Variants in PLXNB3 observed in about 807,000 individuals in gnomAD.
PLXNB3 encodes the protein plexin B3.
In PLXNB3, 80 loss-of-function variants were observed where a neutral mutation model predicts 125.7. The observed-to-expected ratio is 0.64, with a 90% confidence interval of 0.53 to 0.77. The LOEUF (loss-of-function observed/expected upper bound fraction) is 0.77, where lower values mean the gene tolerates loss of function less well. PLXNB3 is among the 30% of genes least tolerant of loss of function. The pLI is 0.00. For missense variants in PLXNB3, 1,836 were observed against 1,729.3 expected, an observed-to-expected ratio of 1.06 and a Z score of -1.09; for synonymous variants, 954 against 783.3, an observed-to-expected ratio of 1.22 and a Z score of -3.64.
chrX:153,770,715 G>C, intron 10 of PLXNB3, 43 bp from the exon 11 acceptor site: 2 of 1,205,405 alleles, frequency 1.7e-6, no homozygotes, highest in Non-Finnish European at 2.2e-6. Flanking sequence ...CCCAGCAGTA[G>C]GCCCTTTGAG....
At position 153,777,945 on chromosome X, in the gene PLXNB3, C is replaced by T. The variant is rs782097461; in HGVS notation, c.5262-3C>T. The T allele has an allele frequency of 1.7e-6, 2 of 1,205,313 alleles. No individual in the cohort carries two copies. Among genetic ancestry groups the T allele is most frequent in the South Asian group, 1.8e-5 (1 of 55,950 alleles). On this transcript the variant is annotated splice_region_variant and splice_polypyrimidine_tract_variant and intron_variant, in intron 31 of 35. Coordinates refer to ENST00000361971, the MANE Select transcript of PLXNB3 (RefSeq NM_005393.3). Reference sequence around the variant, plus strand: ...CACGCCCACGCCTGCCCTGCGCCCCCAGTCTGCTGCTGCGGTTCTGGGTGA... The same window carrying T: ...CACGCCCACGCCTGCCCTGCGCCCCTAGTCTGCTGCTGCGGTTCTGGGTGA...
intron 27 of PLXNB3, 48 bp from the exon 28 acceptor site, chrX:153,776,308 G>C (rs1557064180): frequency 6.4e-6 from 7 of 1,090,198 alleles, no homozygotes; most frequent in South Asian, 3.8e-5. Flanking sequence ...ATGAGTGTGG[G>C]GCGTGGAGAG....
chrX:153,778,224 G>T (rs1288307624), intron 32 of PLXNB3, 37 bp from the exon 33 acceptor site: 1 of 1,199,030 alleles, frequency 8.3e-7, no homozygotes, highest in Non-Finnish European at 1.1e-6. Context: ...CTTCACCTCC[G>T]AGCTCATGCC....
Position 153,765,676 on chromosome X carries a change from C to T in PLXNB3, c.45+96C>T, listed in dbSNP as rs782489481. The T allele has an allele frequency of 4.1e-5, 48 of 1,158,780 alleles. No homozygotes were observed. In the South Asian group the frequency reaches 8.3e-4, roughly 20 times the overall value. Reference sequence around the variant, plus strand: ...CAGGCCCAGGACATACAGGCTGCAGCCTCCCTCATGGCAGACACTGCCCCA... The same window carrying T: ...CAGGCCCAGGACATACAGGCTGCAGTCTCCCTCATGGCAGACACTGCCCCA... On this transcript the variant is annotated intron_variant, in intron 2 of 35. Transcript: ENST00000361971.
intron 1 of PLXNB3, 39 bp from the exon 2 acceptor site, chrX:153,765,432 C>T: frequency 6.6e-6 from 7 of 1,053,887 alleles, no homozygotes; most frequent in Admixed American, 2.7e-5. Context: ...CAGGCCAGCT[C>T]GAATGGGGCT....
In PLXNB3 at chrX:153,769,779, G is replaced by A. The variant is rs374146668; in HGVS notation, c.1497-28G>A. The A allele has an allele frequency of 1.4e-4, 165 of 1,196,021 alleles. No individual in the cohort carries two copies. The African/African-American group carries it at 1.9e-3, about 14-fold the overall frequency. On this transcript the variant is annotated intron_variant, in intron 6 of 35. Coordinates refer to ENST00000361971, the MANE Select transcript of PLXNB3 (RefSeq NM_005393.3). The stretch of plus-strand genomic sequence containing the variant: ...CATCCTTGGAGTCTAGGACCCCCAC[G>A]GTGACCTGATGGACCCCTGCCTGGC...
chrX:153,775,199 A>G, intron 24 of PLXNB3, 26 bp from the exon 25 acceptor site: 1 of 1,156,111 alleles, frequency 8.6e-7, no homozygotes, highest in South Asian at 2.0e-5. Flanking sequence ...GGGGCTTCCC[A>G]GGATGAGCCT....
At chrX:153,766,614 TGCTTGTGC>T in intron 2 of PLXNB3, 4 of 1,061,730 alleles carry the variant, frequency 3.8e-6, no homozygotes, top group Non-Finnish European at 4.8e-6. Flanking sequence ...TGTCCTTGTG[TGCTTGTGC>T]GTGCGTGCAT....
In PLXNB3 at chrX:153,778,263, T is replaced by C; in HGVS notation, c.5412T>C (p.Asp1804=). 2 of 1,198,420 alleles carry C rather than the reference T, an allele frequency of 1.7e-6. No homozygotes were observed. Among genetic ancestry groups the C allele is most frequent in the Non-Finnish European group, 2.3e-6 (2 of 887,087 alleles). ...CGCCTCCCCTCCCTCCGGAGCAGGA[T>C]TCCCCAGTGAACAAACTGCTCTACG... is the stretch of plus-strand genomic sequence containing the variant. ...CTTSEHKVGR[D]SPVNKLLYAR... is the part of the protein sequence containing the mutation. The change falls in exon 33 of 36, where the codon GAT becomes GAC. Residue 1804 remains aspartate (D), a splice_region_variant and synonymous_variant. Transcript: ENST00000361971.
At position 153,774,349 on chromosome X, in the gene PLXNB3, G is replaced by C; in HGVS notation, c.3678+5G>C. ...TCCGGCCTGCCACAGTTCGTGGTGA[G>C]TCCGTGCCCTGGGTGGGCAGGTGGA... On this transcript the variant is annotated splice_donor_5th_base_variant and intron_variant, in intron 21 of 35. Coordinates refer to ENST00000361971, the MANE Select transcript of PLXNB3 (RefSeq NM_005393.3). The C allele has an allele frequency of 8.6e-7, 1 of 1,156,640 alleles. No individual in the cohort carries two copies. The highest frequency in any genetic ancestry group is 1.2e-6 in the Non-Finnish European group (1 of 867,999).
chrX:153,773,975 C>T lies in PLXNB3; in HGVS notation c.3396C>T (p.Asp1132=). The T allele has an allele frequency of 2.5e-6, 3 of 1,210,525 alleles. No individual in the cohort carries two copies. Among genetic ancestry groups the T allele is most frequent in the Non-Finnish European group, 3.4e-6 (3 of 895,033 alleles). Residue 1132 remains aspartate (D), a synonymous_variant, in exon 20 of 36, where the codon GAC becomes GAT. Coordinates refer to ENST00000361971, the MANE Select transcript of PLXNB3 (RefSeq NM_005393.3). Reference sequence around the variant, plus strand: ...TCACCCTAGACAACGTGCAAGTGGACTTCGCCAGTGCCAGTGGGGGCCAGG... The same window carrying T: ...TCACCCTAGACAACGTGCAAGTGGATTTCGCCAGTGCCAGTGGGGGCCAGG... The part of the protein sequence containing the change: ...VFFTLDNVQV[D]FASASGGQGF...
rs1557065067 is a variant in PLXNB3, at chrX:153,777,947, G to A, written c.5262-1G>A. The A allele has an allele frequency of 1.7e-6, 2 of 1,204,906 alleles. No homozygotes were observed. Among genetic ancestry groups the A allele is most frequent in the Non-Finnish European group, 2.2e-6 (2 of 891,845 alleles). ...CGCCCACGCCTGCCCTGCGCCCCCA[G>A]TCTGCTGCTGCGGTTCTGGGTGAAT... On this transcript the variant is annotated splice_acceptor_variant, in intron 31 of 35. Coordinates refer to ENST00000361971, the MANE Select transcript of PLXNB3 (RefSeq NM_005393.3). LOFTEE classifies it high-confidence loss of function.
intron 31 of PLXNB3, 101 bp downstream of exon 31, chrX:153,777,789 G>A (rs2092013245): frequency 9.3e-7 from 1 of 1,080,432 alleles, no homozygotes; most frequent in Non-Finnish European, 1.3e-6. Context: ...GGGGTTTCTG[G>A]AACTTACAGG....
chrX:153,775,775 G>C (rs1366188467), intron 26 of PLXNB3, 112 bp from the exon 27 acceptor site: 7 of 1,083,999 alleles, frequency 6.5e-6, no homozygotes, highest in East Asian at 3.1e-5. Context: ...GGGGGGCTTT[G>C]GAAAGGGAAG....
rs1557060056 is a variant in PLXNB3, at chrX:153,768,197, A to G, written c.1087-52A>G. The G allele has an allele frequency of 1.8e-5, 20 of 1,096,388 alleles. 1 individual carries two copies. The allele number at this position is 1,096,388 out of a possible 1,213,427, so 90.4% of individuals were successfully genotyped here. On this transcript the variant is annotated intron_variant, in intron 3 of 35. Transcript: ENST00000361971. ...GCTGGCAGCCTGGGTACCCCCCCTG[A>G]CTGCCTCTCTGCTCTCTTCCGGGGG...
chrX:153,773,063 C>T (rs782480756), intron 17 of PLXNB3, 47 bp downstream of exon 17: 1 of 1,121,862 alleles, frequency 8.9e-7, no homozygotes. Flanking sequence ...CTCCCATAGG[C>T]CTCAGTGGGG....
chrX:153,777,346 C>T lies in PLXNB3; in HGVS notation c.5066C>T (p.Pro1689Leu), dbSNP rs1557064802. Residue 1689 changes from proline (P) to leucine (L), a missense_variant, in exon 30 of 36, where the codon CCG becomes CTG. Pro to Leu is a moderately conservative substitution (Grantham distance 98, BLOSUM62 -3). Transcript: ENST00000361971. ...GAGCCAGCAAGGGCCAAGGCCATTC[C>T]GGAAATCTACCTCACCCGTCTGCTG... Reference protein sequence around the residue: ...EREPARAKAIPEIYLTRLLSM... With the variant: ...EREPARAKAILEIYLTRLLSM... 11 of 1,203,902 alleles carry T rather than the reference C, an allele frequency of 9.1e-6. No homozygotes were observed. The highest frequency in any genetic ancestry group is 1.1e-5 in the Non-Finnish European group (10 of 890,164).
At position 153,767,024 on chromosome X, in the gene PLXNB3, T is replaced by A; in HGVS notation, c.197T>A (p.Leu66His). The A allele has an allele frequency of 8.3e-7, 1 of 1,210,635 alleles. No homozygotes were observed. Among genetic ancestry groups the A allele is most frequent in the East Asian group, 3.0e-5 (1 of 33,820 alleles). Residue 66 changes from leucine to histidine, a missense_variant, in exon 3 of 36, where the codon CTC (leucine) becomes CAC (histidine). Leu to His is a moderately conservative substitution (Grantham distance 99). Transcript: ENST00000361971. ...HLALAPGRGT[L>H]YVGAVNRLFQ... ...GCACTGGCACCTGGCCGAGGCACAC[T>A]CTATGTCGGCGCAGTGAACCGCCTC...
intron 32 of PLXNB3, 76 bp from the exon 33 acceptor site, chrX:153,778,185 G>A: frequency 8.4e-7 from 1 of 1,193,336 alleles, no homozygotes; most frequent in Non-Finnish European, 1.1e-6. Flanking sequence ...CAGAGCTCTG[G>A]GTGGGCAGTG....
Sources: allele counts gnomAD v4.1 joint callset, GRCh38; gene constraint gnomAD v4.1.1; transcripts MANE v1.5; gene names NCBI Gene and HGNC (gene_info 2026-07-23, HGNC 2026-07-21).